The following NCKAP1 variants were observed in gnomAD, a reference collection of about 807,000 sequenced individuals.
NCKAP1 encodes NCK associated protein 1.
A neutral mutation model predicts 151.2 loss-of-function variants in NCKAP1; 21 were observed. The observed-to-expected ratio is 0.14, with a 90% CI of 0.10 to 0.20. NCKAP1 has a LOEUF of 0.20. NCKAP1 is among the 10% of genes least tolerant of loss of function. The pLI, the probability that NCKAP1 is intolerant of heterozygous loss-of-function variation, is 1.00. For synonymous variants in NCKAP1, 484 were observed against 451.8 expected (o/e 1.07, Z -0.90); for missense variants, 933 against 1,352.1 (o/e 0.69, Z 4.86).
chr2:182,995,648 AT>A, intron 7 of NCKAP1, 52 bp downstream of exon 7: 9 of 1,542,424 alleles, frequency 5.8e-6, no homozygotes, highest in African/African-American at 1.4e-5. Context: ...CTGAACTATT[AT>A]TTTTTTAAAA....
chr2:182,971,338 G>A (rs1369022673), intron 15 of NCKAP1, among the ~76,000 whole-genome samples: 1 of 142,436 alleles, frequency 7.0e-6, no homozygotes, highest in Non-Finnish European at 1.5e-5. Context: ...AGCTTGCAGT[G>A]AGCCGAGATC....
intron 18 of NCKAP1, among the ~76,000 whole-genome samples, chr2:182,960,801 A>C (rs558636566): frequency 6.9e-4 from 105 of 152,176 alleles, no homozygotes; most frequent in African/African-American, 1.9e-3. Flanking sequence ...AGGCAACCTA[A>C]AGAATGGGAG....
At chr2:183,007,267 A>G (rs1301443959) in intron 2 of NCKAP1, among the ~76,000 whole-genome samples, 1 of 152,222 alleles carries the variant, frequency 6.6e-6, no homozygotes, top group Non-Finnish European at 1.5e-5. Context: ...CTTTCTAGCT[A>G]TGGGTCATTA....
chr2:183,007,119 C>T (rs369812038), intron 2 of NCKAP1, among the ~76,000 whole-genome samples: 3 of 152,138 alleles, frequency 2.0e-5, no homozygotes, highest in Admixed American at 6.5e-5. Context: ...GTGATCCTCC[C>T]GCCTCGGCCT....
At position 182,912,684 on chromosome 2, in the gene NCKAP1, A is replaced by T. The variant is rs1011635147; in HGVS notation, c.*13018T>A. On this transcript the variant is annotated 3_prime_UTR_variant, in exon 31 of 31. Transcript: ENST00000361354. ...AAATGGAATTTGAATGTTAGAGTGC[A>T]ACCTGACAAAATGATTTATTACTCC... 1 of 152,232 alleles carries T rather than the reference A, an allele frequency of 6.6e-6. No individual in the cohort carries two copies. The highest frequency in any genetic ancestry group is 1.5e-5 in the Non-Finnish European group (1 of 68,042). 9.4% of individuals were successfully genotyped at this position (152,232 alleles called of 1,614,324 possible). A position where few individuals can be genotyped will look rare whatever the true frequency, so the allele number is the denominator to read the frequency against.
chr2:182,953,558 T>C (rs1697262026), intron 20 of NCKAP1, among the ~76,000 whole-genome samples: 1 of 152,206 alleles, frequency 6.6e-6, no homozygotes, highest in Non-Finnish European at 1.5e-5. Flanking sequence ...CCCAGCATTT[T>C]GGGAGGACGA....
Position 182,911,804 on chromosome 2 carries a change from A to C in NCKAP1, c.*13898T>G, listed in dbSNP as rs1259708647. 1 of 152,182 alleles carries C rather than the reference A, an allele frequency of 6.6e-6. No individual in the cohort carries two copies. The highest frequency in any genetic ancestry group is 1.5e-5 in the Non-Finnish European group (1 of 68,038). The allele number at this position is 152,182 out of a possible 1,614,324, so 9.4% of individuals were successfully genotyped here. A position where few individuals can be genotyped will look rare whatever the true frequency, so the allele number is the denominator to read the frequency against. ...ACTTGCCCTTATATACTCTCTTATA[A>C]TTGCCTCAACAAATTCAAGATGGTT... On this transcript the variant is annotated 3_prime_UTR_variant, in exon 31 of 31. Coordinates refer to ENST00000361354, the MANE Select transcript of NCKAP1 (RefSeq NM_013436.5).
At chr2:183,007,820 A>T (rs1294636850) in intron 2 of NCKAP1, among the ~76,000 whole-genome samples, 1 of 151,992 alleles carries the variant, frequency 6.6e-6, no homozygotes, top group African/African-American at 2.4e-5. Context: ...CTAGTCATCA[A>T]CTCTCATGTG....
intron 1 of NCKAP1, among the ~76,000 whole-genome samples, chr2:183,035,744 T>C (rs1699088721): frequency 6.6e-6 from 1 of 152,204 alleles, no homozygotes; most frequent in South Asian, 2.1e-4. Flanking sequence ...AAATCTTATC[T>C]GATTCATTTA....
chr2:182,981,295 G>A lies in NCKAP1; in HGVS notation c.1290C>T (p.Tyr430=), dbSNP rs143831789. The change falls in exon 13 of 31, where the codon TAC becomes TAT. Residue 430 remains tyrosine (Y), a synonymous_variant. Transcript: ENST00000361354. The part of the protein sequence containing the change: ...RKYGPVMQRY[Y]VQYLSGFDAV... ...CATCAAAGCCAGAAAGGTACTGCAC[G>A]TAATACCTCTGCATTACAGGTCCGT... 84 of 1,613,304 alleles carry A rather than the reference G, an allele frequency of 5.2e-5. No individual in the cohort carries two copies. The highest frequency in any genetic ancestry group is 6.3e-5 in the Non-Finnish European group (74 of 1,179,440).
At chr2:182,998,365 T>G (rs1698311439) in intron 6 of NCKAP1, among the ~76,000 whole-genome samples, 1 of 152,020 alleles carries the variant, frequency 6.6e-6, no homozygotes, top group Admixed American at 6.6e-5. Context: ...GAGAAAGAAA[T>G]AAAAGGCATC....
chr2:183,029,282 C>T lies in NCKAP1; in HGVS notation c.109-5366G>A, dbSNP rs1272007249. On this transcript the variant is annotated intron_variant, in intron 1 of 30. Transcript: ENST00000361354. ...CAAAAGAAACATCTTTGATTAGAAA[C>T]ATCAAGCCTAGACCCTATGCCATTT... Among the ~76,000 whole-genome samples the T allele has an allele frequency of 2.0e-5, 3 of 152,166 alleles. No individual in the cohort carries two copies. In the East Asian group the frequency reaches 5.8e-4, roughly 29 times the overall value.
At chr2:182,932,747 T>G (rs1222532752) in intron 26 of NCKAP1, among the ~76,000 whole-genome samples, 2 of 152,136 alleles carry the variant, frequency 1.3e-5, no homozygotes, top group African/African-American at 4.8e-5. Context: ...GAATGGTTGC[T>G]CAGAATATTA....
At chr2:183,025,887 CAT>C (rs369571161) in intron 1 of NCKAP1, among the ~76,000 whole-genome samples, 142 of 152,292 alleles carry the variant, frequency 9.3e-4, no homozygotes, top group African/African-American at 3.3e-3. Context: ...TCAGTTTTTT[CAT>C]ATGTGTTGTC....
At chr2:182,979,439 T>TA (rs1034144517) in intron 13 of NCKAP1, among the ~76,000 whole-genome samples, 20 of 152,106 alleles carry the variant, frequency 1.3e-4, no homozygotes, top group African/African-American at 4.8e-4. Flanking sequence ...CAATCTAGCT[T>TA]AAAAAATGAA....
In NCKAP1 at chr2:182,918,906, C is replaced by T. The variant is rs1696507618; in HGVS notation, c.*6796G>A. The T allele has an allele frequency of 6.6e-6, 1 of 152,190 alleles. No homozygotes were observed. The highest frequency in any genetic ancestry group is 1.5e-5 in the Non-Finnish European group (1 of 68,024). The allele number at this position is 152,190 out of a possible 1,614,324, so 9.4% of individuals were successfully genotyped here. A position where few individuals can be genotyped will look rare whatever the true frequency, so the allele number is the denominator to read the frequency against. On this transcript the variant is annotated 3_prime_UTR_variant, in exon 31 of 31. Transcript: ENST00000361354. ...ACACTCACATTTGAGAGATCTGAGA[C>T]ACAGTTTAATGAGAAGAACACAACT...
At chr2:182,983,012 C>T in intron 11 of NCKAP1, 85 bp from the exon 12 acceptor site, 1 of 1,003,754 alleles carries the variant, frequency 1.0e-6, no homozygotes. Flanking sequence ...AAGTCATTGG[C>T]AAGAAGTGAT....
intron 18 of NCKAP1, among the ~76,000 whole-genome samples, chr2:182,960,228 C>G (rs1466776649): frequency 1.3e-5 from 2 of 152,196 alleles, no homozygotes; most frequent in African/African-American, 4.8e-5. Context: ...TTGGAAAAAA[C>G]TACTTTAAAG....
intron 24 of NCKAP1, among the ~76,000 whole-genome samples, chr2:182,935,973 A>C (rs1696866230): frequency 6.6e-6 from 1 of 152,100 alleles, no homozygotes; most frequent in South Asian, 2.1e-4. Flanking sequence ...ATAGATTTTC[A>C]AGGCTGAGCA....
Sources: allele counts gnomAD v4.1 joint callset (sites outside exome capture counted in the v4.1 genomes callset), GRCh38; gene constraint gnomAD v4.1.1; transcripts MANE v1.5; gene names NCBI Gene and HGNC (gene_info 2026-07-23, HGNC 2026-07-21).